The following PTPRN2 variants were observed in gnomAD, a reference collection of about 807,000 sequenced individuals.
The protein encoded by PTPRN2 is receptor-type tyrosine-protein phosphatase N2.
In PTPRN2, 74 loss-of-function variants were observed where a neutral mutation model predicts 118.8. The ratio of observed to expected loss-of-function variants is 0.62; its 90% CI spans 0.52 to 0.76. PTPRN2 has a LOEUF of 0.76. Among genes scored for constraint, PTPRN2 ranks in the 30% least tolerant of loss-of-function variants. The probability of loss-of-function intolerance (pLI) is 0.00; values close to 1 mark genes in which losing one functional copy is unlikely to be tolerated. For synonymous variants in PTPRN2, 641 were observed against 608.0 expected, an observed-to-expected ratio of 1.05 and a Z score of -0.80; for missense variants, 1,481 against 1,394.4, an observed-to-expected ratio of 1.06 and a Z score of -0.99.
rs1797429513 is a variant in PTPRN2, at chr7:157,690,617, C to T, written c.1789-7680G>A. Among the ~76,000 whole-genome samples the T allele has an allele frequency of 6.6e-6, 1 of 151,680 alleles. No individual in the cohort carries two copies. The highest frequency in any genetic ancestry group is 1.5e-5 in the Non-Finnish European group (1 of 67,882). ...TGGGGGCGTGCGCCGGGCCGAGCGG[C>T]CTCGGGGCGCAGCAGCTGCGGGTAG... On this transcript the variant is annotated intron_variant, in intron 12 of 22. Coordinates refer to ENST00000389418, the MANE Select transcript of PTPRN2 (RefSeq NM_002847.5). This position sits in a 1 kb window ranked among gnomAD's most constrained non-coding sequence, Gnocchi z 7.1.
At chr7:157,553,677 G>T (rs221276) in intron 21 of PTPRN2, among the ~76,000 whole-genome samples, 140,800 of 152,214 alleles carry the variant, frequency 0.93, 65,288 homozygotes, top group Middle Eastern at 0.99. Flanking sequence ...CGCTGAGCCC[G>T]AGACCAAAAC....
At chr7:157,976,924 A>G (rs978429918) in intron 11 of PTPRN2, among the ~76,000 whole-genome samples, 7 of 152,016 alleles carry the variant, frequency 4.6e-5, no homozygotes, top group South Asian at 2.1e-4. Context: ...GGCATAGTGG[A>G]AGAGAAGTTG....
chr7:158,052,475 C>G (rs1274211288), intron 11 of PTPRN2, among the ~76,000 whole-genome samples: 1 of 152,224 alleles, frequency 6.6e-6, no homozygotes, highest in African/African-American at 2.4e-5. Flanking sequence ...AGCATCAGCA[C>G]CAAAGGCACC....
chr7:158,558,823 C>T (rs1827206262), intron 1 of PTPRN2, among the ~76,000 whole-genome samples: 1 of 149,610 alleles, frequency 6.7e-6, no homozygotes, highest in Admixed American at 6.6e-5. Flanking sequence ...CACTCAGCTT[C>T]TCTGGACAGG....
At chr7:157,873,562 G>T (rs1410305065) in intron 12 of PTPRN2, among the ~76,000 whole-genome samples, 4 of 139,580 alleles carry the variant, frequency 2.9e-5, no homozygotes, top group Non-Finnish European at 6.1e-5. Flanking sequence ...GGGGCCGGGA[G>T]GAGAACGTAC....
chr7:158,385,974 CTCCCTCCTCCCATGCCCTGAG>C (rs1811312651), intron 2 of PTPRN2, among the ~76,000 whole-genome samples: 1 of 140,126 alleles, frequency 7.1e-6, no homozygotes, highest in South Asian at 2.5e-4. Flanking sequence ...TGTGCCCCTC[CTCCCTCCTCCCATGCCCTGAG>C]TCCCTCCTCC....
intron 3 of PTPRN2, among the ~76,000 whole-genome samples, chr7:158,282,617 G>T (rs996773343): frequency 3.9e-5 from 6 of 152,242 alleles, no homozygotes; most frequent in Non-Finnish European, 7.3e-5. Context: ...AGGACAGACG[G>T]CTGATCCCTC....
intron 1 of PTPRN2, among the ~76,000 whole-genome samples, chr7:158,578,503 CCA>C (rs1438195063): frequency 7.0e-6 from 1 of 142,676 alleles, no homozygotes; most frequent in Admixed American, 7.4e-5. Context: ...CCACTGCACT[CCA>C]GTCTGGGCTA....
intron 12 of PTPRN2, among the ~76,000 whole-genome samples, chr7:157,768,560 G>A (rs1014669319): frequency 6.6e-6 from 1 of 152,142 alleles, no homozygotes; most frequent in African/African-American, 2.4e-5. Flanking sequence ...CCAGCTCCTG[G>A]AGAGGCCAAG....
At position 157,813,716 on chromosome 7, in the gene PTPRN2, C is replaced by T. The variant is rs1017710233; in HGVS notation, c.1788+84957G>A. 2.6e-5 allele frequency among the ~76,000 whole-genome samples: 4 copies of T among 152,234 alleles called. No individual in the cohort carries two copies. The highest frequency in any genetic ancestry group is 4.4e-5 in the Non-Finnish European group (3 of 68,050). On this transcript the variant is annotated intron_variant, in intron 12 of 22. Transcript: ENST00000389418. The surrounding 1 kb of genome is among the most constrained non-coding windows in gnomAD (Gnocchi z 4.7). ...ATGAGCATTGCTTTTTAATTAGCAGCTGCCCCGAGTGCTCCAGCTGCCCTG... is the reference window on the plus strand; with the variant it reads ...ATGAGCATTGCTTTTTAATTAGCAGTTGCCCCGAGTGCTCCAGCTGCCCTG...
At chr7:158,072,946 G>A (rs1268946592) in intron 11 of PTPRN2, among the ~76,000 whole-genome samples, 1 of 152,180 alleles carries the variant, frequency 6.6e-6, no homozygotes, top group African/African-American at 2.4e-5. Flanking sequence ...CCATAGGTAT[G>A]GCAGAGCAGG....
intron 11 of PTPRN2, among the ~76,000 whole-genome samples, chr7:157,991,019 A>T (rs1174965056): frequency 6.6e-6 from 1 of 152,192 alleles, no homozygotes; most frequent in East Asian, 1.9e-4. Flanking sequence ...CGGGGTGTGG[A>T]CATGAGGGCA....
intron 13 of PTPRN2, among the ~76,000 whole-genome samples, chr7:157,661,353 G>C (rs28464651): frequency 0.38 from 58,067 of 152,308 alleles, 12,059 homozygotes; most frequent in Non-Finnish European, 0.48. Flanking sequence ...GCAGCTCTTC[G>C]CCTGTGCAGA....
chr7:158,018,914 C>CA (rs963993402), intron 11 of PTPRN2, among the ~76,000 whole-genome samples: 13 of 130,350 alleles, frequency 1.0e-4, no homozygotes, highest in African/African-American at 1.5e-4. Flanking sequence ...GAGCCGAGAT[C>CA]ATGCGACTGC....
intron 11 of PTPRN2, among the ~76,000 whole-genome samples, chr7:158,000,418 C>T (rs925181146): frequency 2.0e-5 from 3 of 151,992 alleles, no homozygotes; most frequent in African/African-American, 4.8e-5. Flanking sequence ...TCACCCAACA[C>T]GTGAAAGCCG....
intron 2 of PTPRN2, among the ~76,000 whole-genome samples, chr7:158,462,264 C>T (rs1454410155): frequency 1.3e-5 from 2 of 152,172 alleles, no homozygotes. Flanking sequence ...AGTGCAGATC[C>T]TCATACAGCG....
chr7:158,540,079 C>T (rs2129449398), intron 1 of PTPRN2, among the ~76,000 whole-genome samples: 1 of 152,318 alleles, frequency 6.6e-6, no homozygotes, highest in South Asian at 2.1e-4. Flanking sequence ...GCTGTGTGGT[C>T]TGGTCAGTGT....
At position 158,133,958 on chromosome 7, in the gene PTPRN2, C is replaced by G; in HGVS notation, c.1275G>C (p.Arg425Ser). ...AAGACTCAGGGTGCTCGGACTTCTTCCTCTCCATGTCGAGGGGCCTTGCAA... is the reference window on the plus strand; with the variant it reads ...AAGACTCAGGGTGCTCGGACTTCTTGCTCTCCATGTCGAGGGGCCTTGCAA... The part of the protein sequence containing the change: ...LPFARPLDME[R>S]KKSEHPESSL... Residue 425 changes from arginine (R) to serine (S), a missense_variant, in exon 9 of 23, where the codon AGG becomes AGC. Physicochemically the swap from Arg to Ser is moderately radical, Grantham distance 110. Around this residue, in one of 3 missense-constraint regions of PTPRN2, gnomAD observed 1,115 missense variants for 994.2 expected, o/e 1.12. Transcript: ENST00000389418. 1 of 1,614,020 alleles carries G rather than the reference C, an allele frequency of 6.2e-7. No homozygotes were observed. The highest frequency in any genetic ancestry group is 8.5e-7 in the Non-Finnish European group (1 of 1,180,048).
intron 12 of PTPRN2, among the ~76,000 whole-genome samples, chr7:157,820,026 A>C (rs1357874661): frequency 6.6e-6 from 1 of 150,428 alleles, no homozygotes; most frequent in East Asian, 2.0e-4. Flanking sequence ...ACATGCACAC[A>C]CACACCCACA....
Sources: allele counts gnomAD v4.1 joint callset (sites outside exome capture counted in the v4.1 genomes callset), GRCh38; gene constraint gnomAD v4.1.1; regional missense constraint gnomAD v4.1.1; non-coding constraint Gnocchi (gnomAD v3.1); transcripts MANE v1.5; gene names NCBI Gene and HGNC (gene_info 2026-07-23, HGNC 2026-07-21).